The following NLGN4X variants were observed in gnomAD, a reference collection of about 807,000 sequenced individuals.
NLGN4X encodes the protein neuroligin 4 X-linked.
A neutral mutation model predicts 40.3 loss-of-function variants in NLGN4X; 3 were observed. The ratio of observed to expected loss-of-function variants is 0.07; its 90% CI spans 0.03 to 0.19. The LOEUF (loss-of-function observed/expected upper bound fraction) is 0.19. Among genes scored for constraint, NLGN4X ranks in the 10% least tolerant of loss-of-function variants. NLGN4X has a pLI of 1.00. For missense variants in NLGN4X, 382 were observed against 708.3 expected, an observed-to-expected ratio of 0.54 and a Z score of 5.23; for synonymous variants, 270 against 306.8, an observed-to-expected ratio of 0.88 and a Z score of 1.25.
At chrX:6,154,776 AAAT>A (rs1185839020) in intron 1 of NLGN4X, among the ~76,000 whole-genome samples, 1 of 111,934 alleles carries the variant, frequency 8.9e-6, no homozygotes, top group Non-Finnish European at 1.9e-5. Flanking sequence ...AGACTGCATA[AAAT>A]AATAATATCT....
At chrX:5,950,838 T>C (rs1163879094) in intron 3 of NLGN4X, among the ~76,000 whole-genome samples, 1 of 111,621 alleles carries the variant, frequency 9.0e-6, no homozygotes, top group Non-Finnish European at 1.9e-5. Flanking sequence ...GGCTGGAATA[T>C]ATTCCCAGCT....
chrX:6,011,856 C>T (rs1158302790), intron 3 of NLGN4X, among the ~76,000 whole-genome samples: 1 of 110,874 alleles, frequency 9.0e-6, no homozygotes. Flanking sequence ...CACCATCTCA[C>T]AAATCTTGGG....
At chrX:6,122,699 A>T (rs1244952896) in intron 2 of NLGN4X, among the ~76,000 whole-genome samples, 2 of 109,786 alleles carry the variant, frequency 1.8e-5, no homozygotes, top group Non-Finnish European at 3.8e-5. Context: ...TAATAAAATG[A>T]CCCAAGTAAA....
intron 3 of NLGN4X, chrX:5,991,366 T>C: frequency 2.0e-6 from 1 of 492,182 alleles, no homozygotes; most frequent in Non-Finnish European, 3.8e-6. Flanking sequence ...AACCTCCCTG[T>C]CTAAGCCCAG....
intron 2 of NLGN4X, among the ~76,000 whole-genome samples, chrX:6,092,660 A>G (rs2038669827): frequency 8.9e-6 from 1 of 112,497 alleles, no homozygotes; most frequent in Admixed American, 9.4e-5. Context: ...AAAGTTTGAA[A>G]CAGGAAACAA....
chrX:5,898,802 G>A (rs776309828), intron 5 of NLGN4X, among the ~76,000 whole-genome samples: 4 of 112,172 alleles, frequency 3.6e-5, no homozygotes, highest in Non-Finnish European at 5.6e-5. Flanking sequence ...GCAAAATGGC[G>A]TTAAACTTGG....
intron 3 of NLGN4X, among the ~76,000 whole-genome samples, chrX:5,977,080 A>AAG (rs1176101353): frequency 8.9e-6 from 1 of 112,862 alleles, no homozygotes; most frequent in East Asian, 2.8e-4. Context: ...AGCTGAACTA[A>AAG]AGAGATACAC....
At chrX:6,064,885 G>C (rs2037867495) in intron 2 of NLGN4X, among the ~76,000 whole-genome samples, 1 of 110,970 alleles carries the variant, frequency 9.0e-6, no homozygotes, top group Admixed American at 9.6e-5. Flanking sequence ...ACGGTGAACT[G>C]GATAAAGAAA....
intron 3 of NLGN4X, among the ~76,000 whole-genome samples, chrX:5,914,616 A>ATG (rs1248332290): frequency 2.5e-5 from 1 of 40,700 alleles, no homozygotes; most frequent in Non-Finnish European, 4.4e-5. Context: ...TAATATATGT[A>ATG]TGTATATATA....
chrX:5,954,726 T>C (rs1181763172), intron 3 of NLGN4X, among the ~76,000 whole-genome samples: 1 of 110,170 alleles, frequency 9.1e-6, no homozygotes, highest in East Asian at 2.9e-4. Context: ...TGCAAATATC[T>C]GGATCTTGCC....
chrX:6,152,050 A>C (rs964164967), intron 1 of NLGN4X, among the ~76,000 whole-genome samples: 2 of 111,190 alleles, frequency 1.8e-5, no homozygotes, highest in Non-Finnish European at 3.8e-5. Flanking sequence ...TCCTGGGCTC[A>C]ACCCATCCTC....
chrX:5,893,434 T>C lies in NLGN4X; in HGVS notation c.1834A>G (p.Lys612Glu), dbSNP rs772557751. ...EIFQYVSTTT[K>E]VPPPDMTSFP... Reference sequence around the variant, plus strand: ...GATGTCATGTCTGGTGGAGGAACCTTTGTGGTTGTTGAAACATACTGGAAT... The same window carrying C: ...GATGTCATGTCTGGTGGAGGAACCTCTGTGGTTGTTGAAACATACTGGAAT... The change falls in exon 6 of 6, where the codon AAG becomes GAG. Residue 612 changes from lysine to glutamate, a missense_variant. Around this residue, in one of 5 missense-constraint regions of NLGN4X, gnomAD observed 149 missense variants for 375.8 expected, o/e 0.40. Coordinates refer to ENST00000381095, the MANE Select transcript of NLGN4X (RefSeq NM_181332.3). The C allele has an allele frequency of 1.1e-5, 13 of 1,209,336 alleles. No homozygotes were observed. The highest frequency in any genetic ancestry group is 2.2e-5 in the Admixed American group (1 of 45,865).
At chrX:6,074,226 G>A (rs2038136768) in intron 2 of NLGN4X, among the ~76,000 whole-genome samples, 1 of 111,146 alleles carries the variant, frequency 9.0e-6, no homozygotes, top group Admixed American at 9.6e-5. Flanking sequence ...ATATCCACGG[G>A]AATTGGGTAT....
chrX:6,062,433 C>T (rs1293433744), intron 2 of NLGN4X, among the ~76,000 whole-genome samples: 1 of 111,783 alleles, frequency 8.9e-6, no homozygotes, highest in Non-Finnish European at 1.9e-5. Context: ...CACACCTTGA[C>T]ACATGAATTA....
intron 2 of NLGN4X, among the ~76,000 whole-genome samples, chrX:6,148,812 CCTGCA>C (rs1305728728): frequency 1.8e-5 from 2 of 111,899 alleles, no homozygotes; most frequent in African/African-American, 6.5e-5. Context: ...CCGCGCCTGG[CCTGCA>C]CTGGTTCTTC....
In NLGN4X at chrX:6,151,429, A is replaced by G; in HGVS notation, c.38T>C (p.Leu13Ser). The change falls in exon 2 of 6, where the codon TTG becomes TCG. Residue 13 changes from leucine (L) to serine (S), a missense_variant. Leu to Ser is a moderately radical substitution (Grantham distance 145). Coordinates refer to ENST00000381095, the MANE Select transcript of NLGN4X (RefSeq NM_181332.3). Reference protein sequence around the residue: ...RPQGLLWLPLLFTPVCVMLNS... With the variant: ...RPQGLLWLPLSFTPVCVMLNS... The stretch of plus-strand genomic sequence containing the variant: ...TAACATGACGCAGACCGGGGTGAAC[A>G]ACAAAGGAAGCCATAGCAGTCCCTG... 1 of 1,211,711 alleles carries G rather than the reference A, an allele frequency of 8.3e-7. No individual in the cohort carries two copies.
At chrX:5,904,575 T>C (rs2032077808) in intron 4 of NLGN4X, among the ~76,000 whole-genome samples, 2 of 112,317 alleles carry the variant, frequency 1.8e-5, no homozygotes, top group African/African-American at 6.5e-5. Flanking sequence ...CATATAAAAA[T>C]GCTCCACTTG....
chrX:6,159,454 G>A (rs1431126597), intron 1 of NLGN4X, among the ~76,000 whole-genome samples: 1 of 112,088 alleles, frequency 8.9e-6, no homozygotes, highest in Non-Finnish European at 1.9e-5. Context: ...ATCCGTATAA[G>A]TTTTACTCAA....
At chrX:5,959,100 C>A in intron 3 of NLGN4X, among the ~76,000 whole-genome samples, 1 of 112,124 alleles carries the variant, frequency 8.9e-6, no homozygotes, top group Non-Finnish European at 1.9e-5. Flanking sequence ...AGACAGAAAA[C>A]AGTTCATATG....
Sources: allele counts gnomAD v4.1 joint callset (sites outside exome capture counted in the v4.1 genomes callset), GRCh38; gene constraint gnomAD v4.1.1; regional missense constraint gnomAD v4.1.1; transcripts MANE v1.5; gene names NCBI Gene and HGNC (gene_info 2026-07-23, HGNC 2026-07-21).